The following KIF26B variants were observed in gnomAD, a reference collection of about 807,000 sequenced individuals.
KIF26B encodes kinesin family member 26B, also known as kinesin-like protein KIF26B.
A neutral mutation model predicts 151.2 loss-of-function variants in KIF26B; 63 were observed. The observed-to-expected ratio is 0.42, with a 90% CI of 0.34 to 0.51. The LOEUF (loss-of-function observed/expected upper bound fraction) is 0.51. Ranked by LOEUF, KIF26B falls within the 20% of genes least tolerant of loss-of-function variation. The probability of loss-of-function intolerance (pLI) is 0.07; values close to 1 mark genes in which losing one functional copy is unlikely to be tolerated. For missense variants in KIF26B, 2,813 were observed against 2,913.6 expected, an observed-to-expected ratio of 0.97 and a Z score of 0.79; for synonymous variants, 1,357 against 1,262.1, an observed-to-expected ratio of 1.08 and a Z score of -1.59.
At position 245,260,817 on chromosome 1, in the gene KIF26B, T is replaced by G. The variant is rs1302653190; in HGVS notation, c.465+104134T>G. 2.6e-5 allele frequency among the ~76,000 whole-genome samples: 4 copies of G among 152,204 alleles called. No homozygotes were observed. The East Asian group carries it at 5.8e-4, about 22-fold the overall frequency. Reference sequence around the variant, plus strand: ...GCTCCCGACTGCAGACACACATCATTAAGTTTCTGGACTTCAGCCACAGTA... The same window carrying G: ...GCTCCCGACTGCAGACACACATCATGAAGTTTCTGGACTTCAGCCACAGTA... On this transcript the variant is annotated intron_variant, in intron 2 of 14. Transcript: ENST00000407071.
rs566796524 is a variant in KIF26B, at chr1:245,541,960, C to T, written c.1350+1010C>T. The stretch of plus-strand genomic sequence containing the variant: ...TCTTTTCACCTTTCCCAGTTTCTCC[C>T]GTGTCCTTCCATGCTCTCCCACCCT... On this transcript the variant is annotated intron_variant, in intron 5 of 14. Transcript: ENST00000407071. Among the ~76,000 whole-genome samples the T allele has an allele frequency of 7.2e-5, 11 of 152,252 alleles. No individual in the cohort carries two copies. The South Asian group carries it at 1.2e-3, about 17-fold the overall frequency.
intron 2 of KIF26B, among the ~76,000 whole-genome samples, chr1:245,163,338 C>A (rs1668563106): frequency 6.6e-6 from 1 of 152,082 alleles, no homozygotes; most frequent in African/African-American, 2.4e-5. Flanking sequence ...AATGGGGTTT[C>A]ACCATGTTGT....
intron 2 of KIF26B, among the ~76,000 whole-genome samples, chr1:245,346,107 T>TG (rs113197491): frequency 0.024 from 3,620 of 151,600 alleles, 160 homozygotes; most frequent in African/African-American, 0.082. Context: ...TAATTTTTTT[T>TG]TGTGTGTGTG....
At chr1:245,359,165 C>T (rs141889261) in intron 2 of KIF26B, among the ~76,000 whole-genome samples, 13 of 152,078 alleles carry the variant, frequency 8.5e-5, no homozygotes, top group South Asian at 2.1e-4. Context: ...ATTACAGGCA[C>T]GCACCACCAC....
At position 245,703,897 on chromosome 1, in the gene KIF26B, CAG is replaced by C. The variant is rs895465011; in HGVS notation, c.*1298_*1299del. 1.3e-5 allele frequency: 2 copies of C among 152,210 alleles called. No homozygotes were observed. Among genetic ancestry groups the C allele is most frequent in the Non-Finnish European group, 2.9e-5 (2 of 68,056 alleles). 9.4% of individuals were successfully genotyped at this position (152,210 alleles called of 1,614,324 possible). On this transcript the variant is annotated 3_prime_UTR_variant, in exon 15 of 15. Transcript: ENST00000407071. The stretch of plus-strand genomic sequence containing the variant: ...CTCAGTCTTTGCTCCTGCCCAAAGG[CAG>C]AGAGAGCTTCCCCTCCATAACTCAC...
At chr1:245,581,596 T>C (rs1313498561) in intron 5 of KIF26B, among the ~76,000 whole-genome samples, 1 of 152,200 alleles carries the variant, frequency 6.6e-6, no homozygotes, top group African/African-American at 2.4e-5. Context: ...GGTCTTCAGT[T>C]CCTATAAGAG....
At chr1:245,445,429 T>C (rs114807344) in intron 4 of KIF26B, among the ~76,000 whole-genome samples, 72 of 152,332 alleles carry the variant, frequency 4.7e-4, no homozygotes, top group African/African-American at 1.7e-3. Flanking sequence ...AATGCTATGA[T>C]TATGGGACTT....
chr1:245,553,184 T>G (rs1408920370), intron 5 of KIF26B, among the ~76,000 whole-genome samples: 1 of 152,194 alleles, frequency 6.6e-6, no homozygotes, highest in African/African-American at 2.4e-5. Context: ...CCATCACCAC[T>G]CCTCTTTTAC....
Position 245,622,491 on chromosome 1 carries a change from G to T in KIF26B, c.2098+10515G>T, listed in dbSNP as rs148739083. Among the ~76,000 whole-genome samples the T allele has an allele frequency of 3.7e-3, 571 of 152,284 alleles. 4 individuals carry two copies. The highest frequency in any genetic ancestry group is 0.013 in the African/African-American group (529 of 41,548). ...TTGTCCTTCGGGCTCTTCTGCAGAC[G>T]CGTGGATGCCTAGATCCCTCCCACG... On this transcript the variant is annotated intron_variant, in intron 9 of 14. Transcript: ENST00000407071.
chr1:245,650,343 G>A (rs1014466859), intron 10 of KIF26B, among the ~76,000 whole-genome samples: 5 of 152,248 alleles, frequency 3.3e-5, no homozygotes, highest in Non-Finnish European at 7.3e-5. Context: ...AAAATAGGCA[G>A]AAGCGTTGAA....
In KIF26B at chr1:245,687,480, C is replaced by T. The variant is rs2044546081; in HGVS notation, c.4497C>T (p.Ala1499=). The T allele has an allele frequency of 1.3e-6, 2 of 1,583,728 alleles. No individual in the cohort carries two copies. Among genetic ancestry groups the T allele is most frequent in the Non-Finnish European group, 1.7e-6 (2 of 1,165,314 alleles). ...GCAGCAGCAGCGGAGAGGTGTCGGC[C>T]TCCCCGGTCACTGACAACTTCAGGA... The part of the protein sequence containing the change: ...RLSSSSGEVS[A]SPVTDNFRRV... The change falls in exon 12 of 15, where the codon GCC becomes GCT. Residue 1499 remains alanine (A), a synonymous_variant. Coordinates refer to ENST00000407071, the MANE Select transcript of KIF26B (RefSeq NM_018012.4). The surrounding 1 kb of genome is among the most constrained non-coding windows in gnomAD (Gnocchi z 4.9).
At chr1:245,237,657 G>A (rs1238327268) in intron 2 of KIF26B, among the ~76,000 whole-genome samples, 1 of 152,094 alleles carries the variant, frequency 6.6e-6, no homozygotes, top group Non-Finnish European at 1.5e-5. Context: ...ATTCTTTACT[G>A]GCAACACTGT....
intron 4 of KIF26B, among the ~76,000 whole-genome samples, chr1:245,424,938 TC>T (rs34475215): frequency 0.12 from 18,842 of 152,018 alleles, 1,472 homozygotes; most frequent in African/African-American, 0.22. Flanking sequence ...CCTTTTTTTT[TC>T]GAGAAAAGAC....
chr1:245,489,662 A>T (rs755238041), intron 4 of KIF26B, among the ~76,000 whole-genome samples: 2 of 152,224 alleles, frequency 1.3e-5, no homozygotes. Context: ...GGCTATGTAT[A>T]TGTAAAGTCC....
At chr1:245,484,742 C>A (rs1660240666) in intron 4 of KIF26B, among the ~76,000 whole-genome samples, 5 of 132,830 alleles carry the variant, frequency 3.8e-5, no homozygotes, top group African/African-American at 1.4e-4. Context: ...TCCTTCTCCT[C>A]TTCCTCTTCT....
At position 245,475,177 on chromosome 1, in the gene KIF26B, G is replaced by A. The variant is rs549997375; in HGVS notation, c.1166+55432G>A. Among the ~76,000 whole-genome samples the A allele has an allele frequency of 7.2e-5, 11 of 151,846 alleles. 1 individual carries two copies. Among genetic ancestry groups the A allele is most frequent in the Non-Finnish European group, 1.5e-4 (10 of 67,856 alleles). On this transcript the variant is annotated intron_variant, in intron 4 of 14. Coordinates refer to ENST00000407071, the MANE Select transcript of KIF26B (RefSeq NM_018012.4). Reference sequence around the variant, plus strand: ...TGACAATCTTTTGATTGGCACTGGAGCACCCATCTGCTGGGTTTTGTGGAG... The same window carrying A: ...TGACAATCTTTTGATTGGCACTGGAACACCCATCTGCTGGGTTTTGTGGAG...
intron 2 of KIF26B, among the ~76,000 whole-genome samples, chr1:245,270,182 CCATT>C (rs771038463): frequency 0.031 from 3,750 of 122,744 alleles, 99 homozygotes; most frequent in Middle Eastern, 0.056. Context: ...TTCTTCCCTT[CCATT>C]CCTTCTTCTT....
intron 2 of KIF26B, among the ~76,000 whole-genome samples, chr1:245,294,288 C>T (rs1024415524): frequency 6.6e-6 from 1 of 152,178 alleles, no homozygotes; most frequent in Non-Finnish European, 1.5e-5. Flanking sequence ...CTCCCCTCCC[C>T]TCCCTCTCTT....
At chr1:245,520,106 C>T in intron 4 of KIF26B, among the ~76,000 whole-genome samples, 1 of 92,354 alleles carries the variant, frequency 1.1e-5, no homozygotes, top group African/African-American at 4.1e-5. Context: ...ATTAAATACT[C>T]AACTAACTGA....
Sources: gnomAD v4.1 joint callset for allele counts (sites outside exome capture counted in the v4.1 genomes callset) on GRCh38, gnomAD v4.1.1 for gene constraint, Gnocchi (gnomAD v3.1) non-coding constraint, MANE v1.5 for transcripts, NCBI Gene and HGNC (gene_info 2026-07-23, HGNC 2026-07-21) for gene names.